The following CFAP54 variants were observed in gnomAD, a reference collection of about 807,000 sequenced individuals.
The protein encoded by CFAP54 is cilia and flagella associated protein 54, also known as cilia- and flagella-associated protein 54.
A neutral mutation model predicts 370.4 loss-of-function variants in CFAP54; 290 were observed. The observed-to-expected ratio is 0.78, with a 90% CI of 0.71 to 0.86. The LOEUF is 0.86. CFAP54 is among the 40% of genes least tolerant of loss of function. CFAP54 has a pLI of 0.00. For synonymous variants in CFAP54, 1,206 were observed against 1,236.5 expected (o/e 0.98, Z 0.52); for missense variants, 3,399 against 3,528.7 (o/e 0.96, Z 0.93).
intron 9 of CFAP54, among the ~76,000 whole-genome samples, chr12:96,530,167 T>A (rs1955426566): frequency 6.6e-6 from 1 of 152,180 alleles, no homozygotes; most frequent in Non-Finnish European, 1.5e-5. Context: ...AGCATAATTC[T>A]CTTGAGATGT....
At chr12:96,527,489 A>G in intron 9 of CFAP54, 45 bp downstream of exon 9, 1 of 1,323,786 alleles carries the variant, frequency 7.6e-7, no homozygotes, top group East Asian at 2.6e-5. Context: ...AATGATACAC[A>G]TGAGTAACAA....
At chr12:96,826,564 TATATA>T (rs1242809712) in intron 65 of CFAP54, among the ~76,000 whole-genome samples, 2 of 46,642 alleles carry the variant, frequency 4.3e-5, no homozygotes, top group African/African-American at 6.9e-5. Flanking sequence ...TAATATATAA[TATATA>T]ATATAGATTA....
intron 66 of CFAP54, among the ~76,000 whole-genome samples, chr12:96,852,441 A>G (rs1959574914): frequency 6.6e-6 from 1 of 152,134 alleles, no homozygotes; most frequent in Admixed American, 6.5e-5. Context: ...CATCTTTTCA[A>G]TAAATGAGTT....
chr12:96,696,699 C>A (rs1378468967), intron 45 of CFAP54, among the ~76,000 whole-genome samples: 2 of 151,800 alleles, frequency 1.3e-5, no homozygotes, highest in Non-Finnish European at 2.9e-5. Context: ...GTAGCAGTGC[C>A]AGGAGTAGAG....
chr12:96,823,973 T>C (rs1316844813), intron 65 of CFAP54, among the ~76,000 whole-genome samples: 2 of 152,170 alleles, frequency 1.3e-5, no homozygotes, highest in Non-Finnish European at 2.9e-5. Flanking sequence ...ACCCACATTA[T>C]AGATGAAGGA....
intron 63 of CFAP54, among the ~76,000 whole-genome samples, chr12:96,807,660 C>T (rs1311551517): frequency 2.0e-5 from 3 of 152,186 alleles, no homozygotes; most frequent in East Asian, 1.9e-4. Context: ...GTGAAACTGG[C>T]CCCTTGAAGA....
At chr12:96,495,250 T>A (rs1391492525) in intron 1 of CFAP54, among the ~76,000 whole-genome samples, 1 of 34,388 alleles carries the variant, frequency 2.9e-5, no homozygotes. Flanking sequence ...CCTTCCTTCC[T>A]TCCTTCCTTC....
intron 24 of CFAP54, among the ~76,000 whole-genome samples, chr12:96,593,174 A>G (rs920418777): frequency 2.6e-5 from 4 of 152,190 alleles, no homozygotes; most frequent in Non-Finnish European, 5.9e-5. Flanking sequence ...CCTATCTCCT[A>G]TTGATAGATT....
At chr12:96,606,988 G>A (rs913968566) in intron 26 of CFAP54, among the ~76,000 whole-genome samples, 6 of 152,204 alleles carry the variant, frequency 3.9e-5, no homozygotes, top group African/African-American at 1.4e-4. Context: ...GCTCATTTGA[G>A]CCATTGCTTT....
chr12:96,776,760 G>C (rs1422812050), intron 60 of CFAP54, among the ~76,000 whole-genome samples: 2 of 152,106 alleles, frequency 1.3e-5, no homozygotes, highest in Non-Finnish European at 1.5e-5. Context: ...ACATTAGTCT[G>C]TCTTGCTGTT....
chr12:96,811,663 AC>A lies in CFAP54; in HGVS notation c.8851-72del, dbSNP rs1410243665. 4 of 773,846 alleles carry A rather than the reference AC, an allele frequency of 5.2e-6. No individual in the cohort carries two copies. The East Asian group carries it at 8.9e-5, about 17-fold the overall frequency. 47.9% of individuals were successfully genotyped at this position (773,846 alleles called of 1,614,324 possible). The stretch of plus-strand genomic sequence containing the variant: ...AAAGTACAGTGATATTATTTTGTGA[AC>A]TAATGCTGTAGTTTTTGAGCTAAAC... On this transcript the variant is annotated intron_variant, in intron 63 of 67. Coordinates refer to ENST00000524981, the MANE Select transcript of CFAP54 (RefSeq NM_001306084.2).
intron 25 of CFAP54, among the ~76,000 whole-genome samples, chr12:96,596,619 A>G (rs1399679402): frequency 1.3e-5 from 2 of 152,102 alleles, no homozygotes; most frequent in Non-Finnish European, 2.9e-5. Flanking sequence ...ACTTTAGGAA[A>G]AATTTCCCAG....
chr12:96,579,052 A>G (rs1956007451), intron 20 of CFAP54, among the ~76,000 whole-genome samples: 1 of 152,214 alleles, frequency 6.6e-6, no homozygotes, highest in African/African-American at 2.4e-5. Flanking sequence ...TGGTTTATAT[A>G]ATAGAACTTG....
chr12:96,522,172 C>G lies in CFAP54; in HGVS notation c.1141C>G (p.Leu381Val). 6.5e-7 allele frequency: 1 copy of G among 1,531,344 alleles called. No homozygotes were observed. Among genetic ancestry groups the G allele is most frequent in the South Asian group, 1.2e-5 (1 of 83,510 alleles). The allele number at this position is 1,531,344 out of a possible 1,614,324, so 94.9% of individuals were successfully genotyped here. Residue 381 changes from leucine to valine, a missense_variant, in exon 8 of 68, where the codon CTA (leucine) becomes GTA (valine). This residue lies in a region of CFAP54 where 559 missense variants were observed against 576.7 expected (regional missense o/e 0.97). Transcript: ENST00000524981. Reference sequence around the variant, plus strand: ...CTTTAGACCTAAGATAAGAATTAACCTAAGGGAAGTACAAACTGTAAGTCT... The same window carrying G: ...CTTTAGACCTAAGATAAGAATTAACGTAAGGGAAGTACAAACTGTAAGTCT... ...AVFRPKIRIN[L>V]REVQTLSWPR...
chr12:96,597,144 G>A (rs1024207398), intron 25 of CFAP54, among the ~76,000 whole-genome samples: 11 of 151,798 alleles, frequency 7.2e-5, no homozygotes, highest in African/African-American at 2.2e-4. Flanking sequence ...TACCTGACAC[G>A]GTAGTCCCTC....
intron 63 of CFAP54, 36 bp from the exon 64 acceptor site, chr12:96,811,700 A>T (rs1387517149): frequency 2.8e-6 from 3 of 1,073,490 alleles, no homozygotes; most frequent in South Asian, 3.1e-5. Context: ...TCTAATTTTG[A>T]TGTCACATTT....
chr12:96,863,082 T>C (rs557095990), intron 67 of CFAP54, among the ~76,000 whole-genome samples: 29 of 152,284 alleles, frequency 1.9e-4, no homozygotes, highest in Middle Eastern at 3.4e-3. Context: ...TTCTTTACTT[T>C]AGTGAATGTA....
intron 48 of CFAP54, among the ~76,000 whole-genome samples, chr12:96,717,644 G>A (rs1957699724): frequency 6.6e-6 from 1 of 152,202 alleles, no homozygotes; most frequent in Admixed American, 6.5e-5. Flanking sequence ...TTGGATCGTG[G>A]ATGGAGATTT....
chr12:96,826,599 T>G (rs1419535708), intron 65 of CFAP54, among the ~76,000 whole-genome samples: 1 of 107,994 alleles, frequency 9.3e-6, no homozygotes, highest in Non-Finnish European at 1.7e-5. Context: ...TATAAATATA[T>G]TATATGATAA....
Sources: gnomAD v4.1 joint callset for allele counts (sites outside exome capture counted in the v4.1 genomes callset) on GRCh38, gnomAD v4.1.1 for gene constraint, gnomAD v4.1.1 regional missense constraint, MANE v1.5 for transcripts, NCBI Gene and HGNC (gene_info 2026-07-23, HGNC 2026-07-21) for gene names.